Variants in KCNMA1 observed in about 807,000 individuals in gnomAD.
KCNMA1 encodes Calcium-activated potassium channel subunit alpha-1.
A neutral mutation model predicts 140.0 loss-of-function variants in KCNMA1; 29 were observed. The observed-to-expected ratio is 0.21, with a 90% CI of 0.15 to 0.28. The LOEUF is 0.28. KCNMA1 is among the 10% of genes least tolerant of loss of function. The pLI is 1.00. For missense variants in KCNMA1, 880 were observed against 1,602.2 expected (o/e 0.55, Z 7.70); for synonymous variants, 612 against 611.9 (o/e 1.00, Z 0.00).
chr10:77,566,251 C>A (rs1485864975), intron 1 of KCNMA1, among the ~76,000 whole-genome samples: 1 of 152,198 alleles, frequency 6.6e-6, no homozygotes, highest in Admixed American at 6.5e-5. Flanking sequence ...TCCCATCCCC[C>A]AGGATCCTTG....
intron 23 of KCNMA1, among the ~76,000 whole-genome samples, chr10:76,920,038 A>ATATATATATATATATATT (rs1298830735): frequency 3.8e-4 from 44 of 117,180 alleles, no homozygotes; most frequent in Non-Finnish European, 7.0e-4. Context: ...ATATATATAT[A>ATATATATATATATATATT]TATATATATA....
At chr10:77,410,128 C>T (rs1246690880) in intron 1 of KCNMA1, among the ~76,000 whole-genome samples, 3 of 152,192 alleles carry the variant, frequency 2.0e-5, no homozygotes, top group Non-Finnish European at 4.4e-5. Flanking sequence ...ACTCAGATTC[C>T]TACCCAGCTG....
At chr10:77,379,194 G>A (rs1338273991) in intron 2 of KCNMA1, among the ~76,000 whole-genome samples, 2 of 152,152 alleles carry the variant, frequency 1.3e-5, no homozygotes, top group Non-Finnish European at 2.9e-5. Context: ...CTGCTTGACG[G>A]AATTCTGAGC....
intron 3 of KCNMA1, among the ~76,000 whole-genome samples, chr10:77,205,538 C>T (rs1260058815): frequency 1.3e-5 from 2 of 152,206 alleles, no homozygotes; most frequent in South Asian, 2.1e-4. Context: ...AATCAACATG[C>T]TCTAATTTTT....
intron 1 of KCNMA1, among the ~76,000 whole-genome samples, chr10:77,461,219 G>C (rs2097860527): frequency 2.5e-5 from 3 of 119,240 alleles, no homozygotes. Context: ...AACCGCACTT[G>C]TACTCCCTCT....
intron 1 of KCNMA1, among the ~76,000 whole-genome samples, chr10:77,540,067 T>TC (rs2059832487): frequency 6.6e-6 from 1 of 152,122 alleles, no homozygotes; most frequent in South Asian, 2.1e-4. Flanking sequence ...CCTTGGAGCA[T>TC]CCCCCTAATT....
chr10:77,588,427 G>C (rs570121951), intron 1 of KCNMA1, among the ~76,000 whole-genome samples: 123 of 152,310 alleles, frequency 8.1e-4, no homozygotes, highest in African/African-American at 2.7e-3. Context: ...CTGGAGTCCA[G>C]GGCCGTGGGA....
intron 1 of KCNMA1, among the ~76,000 whole-genome samples, chr10:77,450,732 G>T (rs986260282): frequency 6.6e-6 from 1 of 152,208 alleles, no homozygotes; most frequent in Non-Finnish European, 1.5e-5. Context: ...GAGTACAGGG[G>T]ATAGAAGGGC....
At position 77,039,883 on chromosome 10, in the gene KCNMA1, C is replaced by CTTTTTTTTTT. The variant is rs34943268; in HGVS notation, c.1750-256_1750-247dup. On this transcript the variant is annotated intron_variant, in intron 14 of 27. Transcript: ENST00000286628. ...TCTTTCCTTTTTCTTTTTTCTTTTTCTTTTTTTTTTTTTTTTTTTTTTTGA... is the reference window on the plus strand; with the variant it reads ...TCTTTCCTTTTTCTTTTTTCTTTTTCTTTTTTTTTTTTTTTTTTTTTTTTTTTTTTTTTGA... Among the ~76,000 whole-genome samples the CTTTTTTTTTT allele has an allele frequency of 8.6e-4, 68 of 78,972 alleles. 1 individual carries two copies. Among genetic ancestry groups the CTTTTTTTTTT allele is most frequent in the South Asian group, 1.1e-3 (2 of 1,740 alleles). 51.8% of individuals were successfully genotyped at this position (78,972 alleles called of 152,430 possible).
At chr10:77,567,980 C>A (rs566231827) in intron 1 of KCNMA1, among the ~76,000 whole-genome samples, 1 of 152,164 alleles carries the variant, frequency 6.6e-6, no homozygotes, top group African/African-American at 2.4e-5. Flanking sequence ...ACTAGAAAAT[C>A]TAGAAGAAAT....
intron 17 of KCNMA1, 139 bp from the exon 18 acceptor site, chr10:77,012,182 A>G: frequency 6.5e-7 from 1 of 1,533,464 alleles, no homozygotes; most frequent in South Asian, 1.2e-5. Context: ...AGGTTTAGAC[A>G]TTTGCAGACG....
chr10:77,003,704 T>G (rs2153421293), intron 18 of KCNMA1, among the ~76,000 whole-genome samples: 1 of 152,336 alleles, frequency 6.6e-6, no homozygotes, highest in South Asian at 2.1e-4. Context: ...CGGTCCCTGG[T>G]TTTCATTTCC....
intron 2 of KCNMA1, among the ~76,000 whole-genome samples, chr10:77,294,548 T>C (rs1456659094): frequency 6.6e-6 from 1 of 152,248 alleles, no homozygotes; most frequent in Non-Finnish European, 1.5e-5. Flanking sequence ...ATAGATACAC[T>C]GGCACATGTG....
chr10:77,590,308 G>A (rs1008109927), intron 1 of KCNMA1, among the ~76,000 whole-genome samples: 1 of 152,230 alleles, frequency 6.6e-6, no homozygotes, highest in Non-Finnish European at 1.5e-5. Context: ...GGTGGTCGAT[G>A]GGACTGGGCG....
At chr10:77,197,739 G>T (rs1161590985) in intron 3 of KCNMA1, among the ~76,000 whole-genome samples, 1 of 152,154 alleles carries the variant, frequency 6.6e-6, no homozygotes, top group Non-Finnish European at 1.5e-5. Flanking sequence ...GAAAGGGGGA[G>T]GTTGCATCAT....
At chr10:77,475,627 C>T (rs2098262262) in intron 1 of KCNMA1, among the ~76,000 whole-genome samples, 1 of 152,090 alleles carries the variant, frequency 6.6e-6, no homozygotes, top group Non-Finnish European at 1.5e-5. Flanking sequence ...AAGCACAAGG[C>T]TTGGGTTCTT....
intron 5 of KCNMA1, among the ~76,000 whole-genome samples, chr10:77,177,109 A>G (rs1478854648): frequency 6.6e-6 from 1 of 152,060 alleles, no homozygotes; most frequent in African/African-American, 2.4e-5. Flanking sequence ...AGGACATGGA[A>G]TCTTCCCTAG....
At chr10:77,458,316 C>T (rs1206293700) in intron 1 of KCNMA1, among the ~76,000 whole-genome samples, 1 of 152,198 alleles carries the variant, frequency 6.6e-6, no homozygotes, top group Admixed American at 6.5e-5. Flanking sequence ...TCCAACCATT[C>T]TAAAGATAGG....
intron 6 of KCNMA1, among the ~76,000 whole-genome samples, chr10:77,112,965 C>A (rs959621452): frequency 6.6e-6 from 1 of 152,184 alleles, no homozygotes; most frequent in East Asian, 1.9e-4. Flanking sequence ...AATCACAATA[C>A]CATTGCACGC....
Sources: allele counts gnomAD v4.1 joint callset (sites outside exome capture counted in the v4.1 genomes callset), GRCh38; gene constraint gnomAD v4.1.1; transcripts MANE v1.5; gene names NCBI Gene and HGNC (gene_info 2026-07-23, HGNC 2026-07-21).